Variants in RREB1 observed in about 807,000 individuals in gnomAD.
RREB1 encodes the protein ras-responsive element-binding protein 1.
Under a neutral mutation model 117.8 loss-of-function variants are expected in RREB1, and 27 were observed. The observed-to-expected ratio is 0.23, with a 90% CI of 0.17 to 0.32. The LOEUF is 0.32. Ranked by LOEUF, RREB1 falls within the 10% of genes least tolerant of loss-of-function variation. RREB1 has a pLI of 1.00. For missense variants in RREB1, 2,577 were observed against 2,378.2 expected, an observed-to-expected ratio of 1.08 and a Z score of -1.74; for synonymous variants, 1,298 against 1,026.7, an observed-to-expected ratio of 1.26 and a Z score of -5.05.
At chr6:7,114,470 G>C (rs1020812962) in intron 1 of RREB1, among the ~76,000 whole-genome samples, 1 of 39,938 alleles carries the variant, frequency 2.5e-5, no homozygotes, top group Non-Finnish European at 1.0e-4. Flanking sequence ...GTTTCTGGTG[G>C]GGGGGGGGGC....
At chr6:7,195,005 A>C (rs1765597267) in intron 6 of RREB1, among the ~76,000 whole-genome samples, 1 of 152,238 alleles carries the variant, frequency 6.6e-6, no homozygotes, top group Non-Finnish European at 1.5e-5. Flanking sequence ...ACTACATGCA[A>C]AGCACTTGGG....
chr6:7,152,100 T>A (rs185595193), intron 1 of RREB1, among the ~76,000 whole-genome samples: 118 of 152,136 alleles, frequency 7.8e-4, no homozygotes, highest in South Asian at 2.5e-3. Context: ...TAATAGGGAG[T>A]TCTGGGGCTT....
At chr6:7,126,208 G>A (rs770699383) in intron 1 of RREB1, among the ~76,000 whole-genome samples, 1 of 152,086 alleles carries the variant, frequency 6.6e-6, no homozygotes, top group Non-Finnish European at 1.5e-5. Flanking sequence ...CACTATGTTG[G>A]TCAGGCTGGC....
intron 1 of RREB1, among the ~76,000 whole-genome samples, chr6:7,175,867 G>A (rs573500053): frequency 6.6e-6 from 1 of 152,232 alleles, no homozygotes; most frequent in African/African-American, 2.4e-5. Flanking sequence ...ACACCTGCGA[G>A]AGGATGTAAT....
chr6:7,233,255 G>A (rs976686097), intron 10 of RREB1, among the ~76,000 whole-genome samples: 2 of 152,176 alleles, frequency 1.3e-5, no homozygotes, highest in Non-Finnish European at 2.9e-5. Context: ...GAGAAGTTTA[G>A]GATAGGAATA....
Position 7,240,419 on chromosome 6 carries a change from A to AT in RREB1, c.3809-11dup, listed in dbSNP as rs55818903. On this transcript the variant is annotated intron_variant, in intron 10 of 12. Coordinates refer to ENST00000379938, the MANE Select transcript of RREB1 (RefSeq NM_001003699.4). Reference sequence around the variant, plus strand: ...GCAGTAGAAAGCCAGATAAATATATATTTTTTTTCCTGCTTCAGGTCAGAA... The same window carrying AT: ...GCAGTAGAAAGCCAGATAAATATATATTTTTTTTTCCTGCTTCAGGTCAGAA... 38 of 1,593,852 alleles carry AT rather than the reference A, an allele frequency of 2.4e-5. No homozygotes were observed. The highest frequency in any genetic ancestry group is 3.5e-5 in the Admixed American group (2 of 57,792).
At chr6:7,123,115 G>A (rs1212959859) in intron 1 of RREB1, among the ~76,000 whole-genome samples, 2 of 152,040 alleles carry the variant, frequency 1.3e-5, no homozygotes, top group Non-Finnish European at 2.9e-5. Flanking sequence ...CTGTTTTCTG[G>A]ATATGTTAGA....
intron 1 of RREB1, among the ~76,000 whole-genome samples, chr6:7,141,768 A>G (rs575989326): frequency 6.6e-6 from 1 of 152,352 alleles, no homozygotes; most frequent in African/African-American, 2.4e-5. Context: ...GCCTGCGGCA[A>G]AGTGAACCTG....
intron 6 of RREB1, 51 bp downstream of exon 6, chr6:7,189,373 G>C (rs1374046791): frequency 6.6e-7 from 1 of 1,510,144 alleles, no homozygotes; most frequent in Non-Finnish European, 8.9e-7. Flanking sequence ...TTGGAGGTTG[G>C]CAGGCAGGAC....
In RREB1 at chr6:7,231,738, C is replaced by T. The variant is rs757520166; in HGVS notation, c.3639C>T (p.Ala1213=). The T allele has an allele frequency of 9.3e-6, 15 of 1,613,670 alleles. No individual in the cohort carries two copies. Among genetic ancestry groups the T allele is most frequent in the East Asian group, 6.7e-5 (3 of 44,878 alleles). ...AGGATGAGGTGGCCGGAGCCCCTGC[C>T]GACCACCATGGGCCCAGTGATGAAG... The part of the protein sequence containing the change: ...NTQDEVAGAP[A]DHHGPSDEEQ... The change falls in exon 10 of 13, where the codon GCC becomes GCT. Residue 1213 remains alanine, a synonymous_variant. Coordinates refer to ENST00000379938, the MANE Select transcript of RREB1 (RefSeq NM_001003699.4).
Position 7,231,059 on chromosome 6 carries a change from G to GAA in RREB1, c.2961_2962dup (p.Ile988LysfsTer50). Reference sequence around the variant, plus strand: ...CTTCCTGTAACTTTGGGGCCCAGCGGAATCCTGGAAAGCCCCATGGCCCCT... The same window carrying GAA: ...CTTCCTGTAACTTTGGGGCCCAGCGGAAAATCCTGGAAAGCCCCATGGCCCCT... On this transcript the variant is annotated frameshift_variant, in exon 10 of 13. Coordinates refer to ENST00000379938, the MANE Select transcript of RREB1 (RefSeq NM_001003699.4). LOFTEE classifies it high-confidence loss of function. The GAA allele has an allele frequency of 6.2e-7, 1 of 1,613,780 alleles. No homozygotes were observed. The highest frequency in any genetic ancestry group is 8.5e-7 in the Non-Finnish European group (1 of 1,180,008).
At chr6:7,169,779 TGCAGAGAGG>T (rs1764123429) in intron 1 of RREB1, among the ~76,000 whole-genome samples, 2 of 152,164 alleles carry the variant, frequency 1.3e-5, no homozygotes, top group Non-Finnish European at 2.9e-5. Flanking sequence ...CACAGAGCCT[TGCAGAGAGG>T]TGCAGGAAGA....
chr6:7,200,250 G>A (rs1170644310), intron 6 of RREB1, among the ~76,000 whole-genome samples: 1 of 103,962 alleles, frequency 9.6e-6, no homozygotes, highest in South Asian at 2.6e-4. Flanking sequence ...GTATATGTGT[G>A]TGTGTGTGTG....
rs771400665 is a variant in RREB1 at position 7,229,944 on chromosome 6, G to A, written c.1845G>A (p.Lys615=). The change falls in exon 10 of 13, where the codon AAG becomes AAA. Residue 615 remains lysine (K), a synonymous_variant. Coordinates refer to ENST00000379938, the MANE Select transcript of RREB1 (RefSeq NM_001003699.4). This position sits in a 1 kb window ranked among gnomAD's most constrained non-coding sequence, Gnocchi z 4.5. ...LLPLSMEAKI[K]QEITEGELKA... is the part of the protein sequence containing the mutation. ...CGCTGAGCATGGAGGCCAAGATCAA[G>A]CAGGAGATCACAGAGGGGGAACTCA... is the stretch of plus-strand genomic sequence containing the variant. The A allele has an allele frequency of 6.2e-7, 1 of 1,601,092 alleles. No individual in the cohort carries two copies. The highest frequency in any genetic ancestry group is 1.1e-5 in the South Asian group (1 of 90,546).
intron 1 of RREB1, among the ~76,000 whole-genome samples, chr6:7,132,315 A>T (rs1762187924): frequency 6.6e-6 from 1 of 151,976 alleles, no homozygotes; most frequent in Admixed American, 6.6e-5. Context: ...TCGGCCTTCC[A>T]AAGTGCTGGG....
At chr6:7,161,509 A>G (rs1475398971) in intron 1 of RREB1, among the ~76,000 whole-genome samples, 1 of 152,184 alleles carries the variant, frequency 6.6e-6, no homozygotes, top group Non-Finnish European at 1.5e-5. Context: ...ATTAACATGT[A>G]TATTAGTATG....
chr6:7,146,789 AGGT>A (rs1322865767), intron 1 of RREB1, among the ~76,000 whole-genome samples: 3 of 116,604 alleles, frequency 2.6e-5, no homozygotes, highest in Admixed American at 9.1e-5. Flanking sequence ...GGTGGGGAGG[AGGT>A]GGTGGGGGAG....
chr6:7,109,656 C>G (rs938985412), intron 1 of RREB1, among the ~76,000 whole-genome samples: 2 of 152,250 alleles, frequency 1.3e-5, no homozygotes, highest in African/African-American at 4.8e-5. Context: ...AGTATTTCTC[C>G]TTGCTCAGCA....
chr6:7,173,370 A>G (rs1764323738), intron 1 of RREB1, among the ~76,000 whole-genome samples: 1 of 152,040 alleles, frequency 6.6e-6, no homozygotes. Flanking sequence ...TACAGAAACT[A>G]GCCAGGCGTG....
Sources: gnomAD v4.1 joint callset for allele counts (sites outside exome capture counted in the v4.1 genomes callset) on GRCh38, gnomAD v4.1.1 for gene constraint, Gnocchi (gnomAD v3.1) non-coding constraint, MANE v1.5 for transcripts, NCBI Gene and HGNC (gene_info 2026-07-23, HGNC 2026-07-21) for gene names.